CATIP: variants seen among roughly 807,000 people sequenced by gnomAD.
CATIP encodes the protein ciliogenesis-associated TTC17-interacting protein.
Under a neutral mutation model 42.5 loss-of-function variants are expected in CATIP, and 40 were observed. That is an observed-to-expected ratio of 0.94 (90% CI 0.73 to 1.22). CATIP has a LOEUF of 1.22. CATIP is among the 50% of genes most tolerant of loss of function. The pLI, the probability that CATIP is intolerant of heterozygous loss-of-function variation, is 0.00. For synonymous variants in CATIP, 222 were observed against 200.2 expected, an observed-to-expected ratio of 1.11 and a Z score of -0.92; for missense variants, 489 against 496.0, an observed-to-expected ratio of 0.99 and a Z score of 0.13.
chr2:218,364,559 G>A, intron 6 of CATIP, 69 bp from the exon 7 acceptor site: 1 of 1,585,940 alleles, frequency 6.3e-7, no homozygotes, highest in South Asian at 1.1e-5. Context: ...AAAGGCTAAG[G>A]TAAGATGATG....
intron 8 of CATIP, 28 bp from the exon 9 acceptor site, chr2:218,367,402 C>A: frequency 1.2e-6 from 2 of 1,603,762 alleles, no homozygotes; most frequent in South Asian, 2.2e-5. Context: ...GGGGTAGGGA[C>A]GCCCAGCCTT....
rs1350520121 is a variant in CATIP, at chr2:218,357,764, C to G, written c.319+30C>G. On this transcript the variant is annotated intron_variant, in intron 3 of 9. Coordinates refer to ENST00000289388, the MANE Select transcript of CATIP (RefSeq NM_198559.2). ...CGTTCCTACTGCCTGATGCCCGTCACTCTCCCCTTCCTCCAACCCTCCCCT... is the reference window on the plus strand; with the variant it reads ...CGTTCCTACTGCCTGATGCCCGTCAGTCTCCCCTTCCTCCAACCCTCCCCT... The G allele has an allele frequency of 2.5e-6, 4 of 1,587,578 alleles. No individual in the cohort carries two copies. The Admixed American group carries it at 6.7e-5, about 26-fold the overall frequency.
chr2:218,362,956 G>A lies in CATIP; in HGVS notation c.630+54G>A, dbSNP rs542544194. On this transcript the variant is annotated intron_variant, in intron 6 of 9. Coordinates refer to ENST00000289388, the MANE Select transcript of CATIP (RefSeq NM_198559.2). ...GGCTTGGGAGCGAACTAGAAAAGGC[G>A]TGAAAAGCACTGAGATGGGGAACAG... 5.5e-5 allele frequency: 85 copies of A among 1,539,484 alleles called. No individual in the cohort carries two copies. In the Middle Eastern group the frequency reaches 8.6e-4, roughly 16 times the overall value.
intron 6 of CATIP, 101 bp downstream of exon 6, chr2:218,363,003 C>G (rs997764129): frequency 7.4e-5 from 90 of 1,220,450 alleles, no homozygotes; most frequent in Non-Finnish European, 9.8e-5. Context: ...AAAAGGGAGG[C>G]AGGTGGGGAG....
At chr2:218,357,259 G>GTCTCTCTCTCTCTCTCTCTCTC (rs144807145) in intron 2 of CATIP, 72 bp downstream of exon 2, 6,062 of 603,310 alleles carry the variant, frequency 0.01, 97 homozygotes, top group South Asian at 0.02. Flanking sequence ...AGAAAGTCCA[G>GTCTCTCTCTCTCTCTCTCTCTC]TCTCTCTCTC....
Position 218,357,327 on chromosome 2 carries a change from C to T in CATIP, c.118+140C>T, listed in dbSNP as rs758056698. Reference sequence around the variant, plus strand: ...CCTGGGACTCAGAAAAGGCCTGAGGCCTGTTTGTTGACATTCTTCAAGGGA... The same window carrying T: ...CCTGGGACTCAGAAAAGGCCTGAGGTCTGTTTGTTGACATTCTTCAAGGGA... On this transcript the variant is annotated intron_variant, in intron 2 of 9. Coordinates refer to ENST00000289388, the MANE Select transcript of CATIP (RefSeq NM_198559.2). 6 of 711,728 alleles carry T rather than the reference C, an allele frequency of 8.4e-6. No individual in the cohort carries two copies. The African/African-American group carries it at 9.2e-5, about 11-fold the overall frequency. The allele number at this position is 711,728 out of a possible 1,614,324, so 44.1% of individuals were successfully genotyped here. A position where few individuals can be genotyped will look rare whatever the true frequency, so the allele number is the denominator to read the frequency against.
chr2:218,360,751 C>A, intron 5 of CATIP, 92 bp downstream of exon 5: 1 of 1,055,410 alleles, frequency 9.5e-7, no homozygotes, highest in Non-Finnish European at 1.4e-6. Context: ...GTTTATTTTG[C>A]CAAGGTTAAG....
intron 7 of CATIP, chr2:218,366,582 A>T (rs895462924): frequency 5.2e-6 from 1 of 192,954 alleles, no homozygotes; most frequent in South Asian, 7.3e-5. Context: ...GGCAGAAGTA[A>T]AGAGGCCCGG....
At chr2:218,363,568 C>A (rs961767843) in intron 6 of CATIP, among the ~76,000 whole-genome samples, 1 of 151,512 alleles carries the variant, frequency 6.6e-6, no homozygotes, top group East Asian at 1.9e-4. Context: ...TTTGGGAGGC[C>A]AAGGTGGGCA....
chr2:218,360,486 C>T, intron 4 of CATIP, 87 bp from the exon 5 acceptor site: 1 of 1,000,214 alleles, frequency 1.0e-6, no homozygotes, highest in Non-Finnish European at 1.6e-6. Flanking sequence ...CTTTAAACCT[C>T]AGTTTTCTCA....
intron 6 of CATIP, 123 bp from the exon 7 acceptor site, chr2:218,364,505 G>T: frequency 7.2e-7 from 1 of 1,394,272 alleles, no homozygotes; most frequent in Non-Finnish European, 9.8e-7. Context: ...TTGGAGGTTT[G>T]GAGATGCAAT....
At chr2:218,361,331 G>C (rs55705029) in intron 5 of CATIP, among the ~76,000 whole-genome samples, 1 of 151,082 alleles carries the variant, frequency 6.6e-6, no homozygotes, top group African/African-American at 2.4e-5. Context: ...CTGAGATCAC[G>C]CCACTGCACT....
At chr2:218,358,391 G>A (rs1301027293) in intron 4 of CATIP, among the ~76,000 whole-genome samples, 3 of 151,724 alleles carry the variant, frequency 2.0e-5, no homozygotes, top group African/African-American at 7.3e-5. Flanking sequence ...CCAACATAGC[G>A]AAACCTCATC....
In CATIP at chr2:218,367,494, C is replaced by G. The variant is rs369019494; in HGVS notation, c.897C>G (p.Leu299=). 5 of 1,614,058 alleles carry G rather than the reference C, an allele frequency of 3.1e-6. No individual in the cohort carries two copies. Among genetic ancestry groups the G allele is most frequent in the Non-Finnish European group, 3.4e-6 (4 of 1,180,036 alleles). Residue 299 remains leucine, a synonymous_variant, in exon 9 of 10, where the codon CTC becomes CTG. Coordinates refer to ENST00000289388, the MANE Select transcript of CATIP (RefSeq NM_198559.2). ...TGGTATGGGAGGAGGATATGGAGCTCTATTCGAAGTTCCTGGACCGGAAGG... is the reference window on the plus strand; with the variant it reads ...TGGTATGGGAGGAGGATATGGAGCTGTATTCGAAGTTCCTGGACCGGAAGG... ...KPLVWEEDME[L]YSKFLDRKEE...
chr2:218,362,078 G>A (rs1231523787), intron 5 of CATIP, among the ~76,000 whole-genome samples: 1 of 152,130 alleles, frequency 6.6e-6, no homozygotes, highest in Non-Finnish European at 1.5e-5. Flanking sequence ...TGAAGGCCAG[G>A]CGTGTGGTGA....
At chr2:218,358,175 C>A in intron 4 of CATIP, 83 bp downstream of exon 4, 3 of 1,108,512 alleles carry the variant, frequency 2.7e-6, no homozygotes, top group Admixed American at 2.1e-5. Flanking sequence ...AACAACAAAC[C>A]AAAAAACCTA....
chr2:218,361,688 A>G (rs1040092390), intron 5 of CATIP, among the ~76,000 whole-genome samples: 2 of 152,226 alleles, frequency 1.3e-5, no homozygotes, highest in African/African-American at 4.8e-5. Flanking sequence ...AGGGAGTTAT[A>G]TAGCTTTTTT....
At position 218,367,869 on chromosome 2, in the gene CATIP, T is replaced by C; in HGVS notation, c.1069T>C (p.Trp357Arg). The C allele has an allele frequency of 6.2e-7, 1 of 1,613,054 alleles. No homozygotes were observed. Among genetic ancestry groups the C allele is most frequent in the African/African-American group, 1.3e-5 (1 of 75,046 alleles). Reference protein sequence around the residue: ...AAEFFGPFDPWRPSSPALGSS... With the variant: ...AAEFFGPFDPRRPSSPALGSS... ...CGAGTTCTTCGGCCCCTTCGACCCGTGGCGTCCGTCGTCACCGGCCTTGGG... is the reference window on the plus strand; with the variant it reads ...CGAGTTCTTCGGCCCCTTCGACCCGCGGCGTCCGTCGTCACCGGCCTTGGG... Residue 357 changes from tryptophan to arginine, a missense_variant, in exon 10 of 10, where the codon TGG (tryptophan) becomes CGG (arginine). Coordinates refer to ENST00000289388, the MANE Select transcript of CATIP (RefSeq NM_198559.2).
chr2:218,361,452 G>C (rs1419475160), intron 5 of CATIP, among the ~76,000 whole-genome samples: 2 of 152,094 alleles, frequency 1.3e-5, no homozygotes, highest in Non-Finnish European at 2.9e-5. Flanking sequence ...CCAAGTCATA[G>C]GTAGATAAGA....
Sources: allele counts gnomAD v4.1 joint callset (sites outside exome capture counted in the v4.1 genomes callset), GRCh38; gene constraint gnomAD v4.1.1; transcripts MANE v1.5; gene names NCBI Gene and HGNC (gene_info 2026-07-23, HGNC 2026-07-21).